The following CYP20A1 variants were observed in gnomAD, a reference collection of about 807,000 sequenced individuals.
CYP20A1 encodes the protein cytochrome P450 family 20 subfamily A member 1.
In CYP20A1, 61 loss-of-function variants were observed where a neutral mutation model predicts 61.4. That is an observed-to-expected ratio of 0.99 (90% confidence interval 0.81 to 1.23). The LOEUF (loss-of-function observed/expected upper bound fraction) is 1.23, where lower values mean the gene tolerates loss of function less well. Ranked by LOEUF, CYP20A1 falls within the 50% of genes most tolerant of loss-of-function variation. The probability of loss-of-function intolerance (pLI) is 0.00; values close to 1 mark genes in which losing one functional copy is unlikely to be tolerated. For synonymous variants in CYP20A1, 193 were observed against 188.2 expected (o/e 1.03, Z -0.21); for missense variants, 530 against 542.4 (o/e 0.98, Z 0.23).
rs546063139 is a variant in CYP20A1, at chr2:203,299,601, G to T, written c.*2693G>T. On this transcript the variant is annotated 3_prime_UTR_variant, in exon 13 of 13. Transcript: ENST00000356079. Reference sequence around the variant, plus strand: ...TTAAATTCTAAAACTTTGGCCGGGCGTGATGGCTCATGCCTGTAATCCCAG... The same window carrying T: ...TTAAATTCTAAAACTTTGGCCGGGCTTGATGGCTCATGCCTGTAATCCCAG... Among the ~76,000 whole-genome samples, 1 of 152,054 alleles carries T rather than the reference G, an allele frequency of 6.6e-6. No individual in the cohort carries two copies. Among genetic ancestry groups the T allele is most frequent in the African/African-American group, 2.4e-5 (1 of 41,408 alleles).
chr2:203,273,106 A>G (rs960646478), intron 6 of CYP20A1, among the ~76,000 whole-genome samples: 3 of 152,112 alleles, frequency 2.0e-5, no homozygotes, highest in Non-Finnish European at 2.9e-5. Flanking sequence ...CGGCCTCCCA[A>G]AGTGCTGGGA....
intron 1 of CYP20A1, among the ~76,000 whole-genome samples, chr2:203,243,249 T>A (rs779079688): frequency 6.6e-6 from 1 of 151,862 alleles, no homozygotes; most frequent in Non-Finnish European, 1.5e-5. Context: ...GTTCAAGCGA[T>A]TCTCCCACCT....
At chr2:203,250,836 G>A (rs1182385034) in intron 3 of CYP20A1, among the ~76,000 whole-genome samples, 2 of 151,830 alleles carry the variant, frequency 1.3e-5, no homozygotes, top group African/African-American at 4.8e-5. Flanking sequence ...AGGCCGAGGC[G>A]GGCGGATCAC....
chr2:203,305,963 T>C lies in CYP20A1; in HGVS notation c.*9055T>C, dbSNP rs1425703756. ...TATGCCTGCCTTCCACTCATGCCTG[T>C]GTTAGATGTGAACATAGATTTATAA... On this transcript the variant is annotated 3_prime_UTR_variant, in exon 13 of 13. Transcript: ENST00000356079. 6.6e-6 allele frequency among the ~76,000 whole-genome samples: 1 copy of C among 152,234 alleles called. No individual in the cohort carries two copies. Among genetic ancestry groups the C allele is most frequent in the Non-Finnish European group, 1.5e-5 (1 of 68,030 alleles).
At chr2:203,283,184 A>C (rs1243896039) in intron 8 of CYP20A1, among the ~76,000 whole-genome samples, 5 of 145,504 alleles carry the variant, frequency 3.4e-5, no homozygotes, top group African/African-American at 1.0e-4. Context: ...CTAAAAAAAA[A>C]CCCACAAACC....
chr2:203,300,814 G>A lies in CYP20A1; in HGVS notation c.*3906G>A, dbSNP rs1424421955. Among the ~76,000 whole-genome samples the A allele has an allele frequency of 4.0e-5, 6 of 149,564 alleles. No individual in the cohort carries two copies. Among genetic ancestry groups the A allele is most frequent in the Non-Finnish European group, 5.9e-5 (4 of 67,648 alleles). On this transcript the variant is annotated 3_prime_UTR_variant, in exon 13 of 13. Transcript: ENST00000356079. ...TGAGGCAGGAAAATTGCTTGAACCC[G>A]TGAGGCAGAGGTTGCGATGAGCCGA... is the stretch of plus-strand genomic sequence containing the variant.
At position 203,257,868 on chromosome 2, in the gene CYP20A1, C is replaced by T. The variant is rs1349155380; in HGVS notation, c.432+5759C>T. Among the ~76,000 whole-genome samples, 4 of 53,900 alleles carry T rather than the reference C, an allele frequency of 7.4e-5. No homozygotes were observed. The East Asian group carries it at 1.5e-3, about 20-fold the overall frequency. The allele number at this position is 53,900 out of a possible 152,430, so 35.4% of individuals were successfully genotyped here. On this transcript the variant is annotated intron_variant, in intron 4 of 12. Transcript: ENST00000356079. The stretch of plus-strand genomic sequence containing the variant: ...CATGAGGTATTTTGATACAGACATA[C>T]AATGTGTAATAATCACATTAGGGTA...
intron 9 of CYP20A1, among the ~76,000 whole-genome samples, chr2:203,288,169 G>A (rs1294624675): frequency 7.0e-6 from 1 of 143,174 alleles, no homozygotes; most frequent in Non-Finnish European, 1.5e-5. Context: ...GGGTTCAAAC[G>A]ATTCTCATGC....
intron 4 of CYP20A1, among the ~76,000 whole-genome samples, chr2:203,263,810 A>G (rs939446908): frequency 6.6e-6 from 1 of 152,072 alleles, no homozygotes; most frequent in African/African-American, 2.4e-5. Context: ...TGTCTTTGAG[A>G]CTTGCTCTGT....
intron 11 of CYP20A1, among the ~76,000 whole-genome samples, chr2:203,293,508 CT>C (rs11408049): frequency 1.8e-4 from 26 of 140,918 alleles, no homozygotes; most frequent in African/African-American, 6.0e-4. Flanking sequence ...CGCCCGGCCT[CT>C]TTTTTTTTTT....
At chr2:203,294,880 C>G (rs2068710225) in intron 11 of CYP20A1, among the ~76,000 whole-genome samples, 1 of 151,030 alleles carries the variant, frequency 6.6e-6, no homozygotes, top group Non-Finnish European at 1.5e-5. Context: ...TGATCACCTG[C>G]CTCTGCTTCC....
chr2:203,291,064 A>G (rs1375857238), intron 10 of CYP20A1, among the ~76,000 whole-genome samples: 3 of 152,042 alleles, frequency 2.0e-5, no homozygotes, highest in African/African-American at 7.2e-5. Context: ...GTCAAAGTCC[A>G]TGTATATGTT....
intron 4 of CYP20A1, 21 bp downstream of exon 4, chr2:203,252,130 G>A (rs747370983): frequency 6.3e-7 from 1 of 1,577,388 alleles, no homozygotes; most frequent in Admixed American, 1.7e-5. Flanking sequence ...AAGTAGTTTG[G>A]TCTAGTGTTC....
chr2:203,291,203 A>G (rs896928786), intron 10 of CYP20A1, among the ~76,000 whole-genome samples: 1 of 151,758 alleles, frequency 6.6e-6, no homozygotes, highest in Non-Finnish European at 1.5e-5. Context: ...GCTGGACTAA[A>G]TTTTTTTATT....
intron 4 of CYP20A1, among the ~76,000 whole-genome samples, chr2:203,252,516 T>A (rs1196969125): frequency 6.6e-6 from 1 of 152,012 alleles, no homozygotes; most frequent in Non-Finnish European, 1.5e-5. Flanking sequence ...TGCCTCAGCC[T>A]CCCTAGTAGC....
In CYP20A1 at chr2:203,299,641, G is replaced by A. The variant is rs1009367644; in HGVS notation, c.*2733G>A. On this transcript the variant is annotated 3_prime_UTR_variant, in exon 13 of 13. Transcript: ENST00000356079. ...TGTAATCCCAGCACTTTGGGAGGCCGAGGCAGGCAGATCACCTGAGGTCAG... is the reference window on the plus strand; with the variant it reads ...TGTAATCCCAGCACTTTGGGAGGCCAAGGCAGGCAGATCACCTGAGGTCAG... Among the ~76,000 whole-genome samples the A allele has an allele frequency of 6.6e-6, 1 of 152,106 alleles. No individual in the cohort carries two copies. The highest frequency in any genetic ancestry group is 2.4e-5 in the African/African-American group (1 of 41,406).
chr2:203,245,944 GATATCAAGACTAAACC>G (rs1259775383), intron 2 of CYP20A1, 49 bp downstream of exon 2: 29 of 1,238,486 alleles, frequency 2.3e-5, no homozygotes, highest in Non-Finnish European at 3.3e-5. Flanking sequence ...CTTCATTATT[GATATCAAGACTAAACC>G]ATATTTTTAG....
intron 6 of CYP20A1, among the ~76,000 whole-genome samples, chr2:203,277,782 G>A (rs1335378034): frequency 1.3e-5 from 2 of 152,092 alleles, no homozygotes; most frequent in Non-Finnish European, 2.9e-5. Flanking sequence ...CCAAAGTGCT[G>A]GGATTACAGG....
At chr2:203,285,040 G>A (rs2068208815) in intron 8 of CYP20A1, among the ~76,000 whole-genome samples, 2 of 151,900 alleles carry the variant, frequency 1.3e-5, no homozygotes, top group South Asian at 4.1e-4. Context: ...ATCCCCTCCC[G>A]AAGTGCTGGG....
Sources: allele counts gnomAD v4.1 joint callset (sites outside exome capture counted in the v4.1 genomes callset), GRCh38; gene constraint gnomAD v4.1.1; transcripts MANE v1.5; gene names NCBI Gene and HGNC (gene_info 2026-07-23, HGNC 2026-07-21).